ZNF112: variants seen among roughly 807,000 people sequenced by gnomAD.
The protein encoded by ZNF112 is zinc finger protein 112.
A neutral mutation model predicts 77.7 loss-of-function variants in ZNF112; 37 were observed. The ratio of observed to expected loss-of-function variants is 0.48; its 90% confidence interval spans 0.37 to 0.63. The LOEUF is 0.63. Ranked by LOEUF, ZNF112 falls within the 20% of genes least tolerant of loss-of-function variation. ZNF112 has a pLI of 0.00. For synonymous variants in ZNF112, 333 were observed against 363.6 expected (o/e 0.92, Z 0.96); for missense variants, 950 against 1,077.4 (o/e 0.88, Z 1.66).
chr19:44,339,860 G>A (rs888758681), intron 2 of ZNF112, among the ~76,000 whole-genome samples: 2 of 151,924 alleles, frequency 1.3e-5, no homozygotes, highest in Non-Finnish European at 2.9e-5. Flanking sequence ...AGAGAAAAAC[G>A]GCCATGGTAT....
At chr19:44,358,431 A>G (rs1029489159), upstream of ZNF112, among the ~76,000 whole-genome samples, 3 of 152,196 alleles carry the variant, frequency 2.0e-5, no homozygotes, top group Non-Finnish European at 2.9e-5. Context: ...AAATGTCAAA[A>G]GGCATCAAAA....
At position 44,329,249 on chromosome 19, in the gene ZNF112, C is replaced by T. The variant is rs1371084761; in HGVS notation, c.908G>A (p.Arg303Lys). 5.0e-6 allele frequency: 8 copies of T among 1,613,886 alleles called. No homozygotes were observed. The highest frequency in any genetic ancestry group is 5.9e-6 in the Non-Finnish European group (7 of 1,179,980). The change falls in exon 4 of 4, where the codon AGA (arginine) becomes AAA (lysine). Residue 303 changes from arginine (R) to lysine (K), a missense_variant. By Grantham distance (26) the Arg-to-Lys change is conservative. Transcript: ENST00000354340. ...ATGTGAATTCTCAATATCATCTTCT[C>T]TCTCAATATTTTGATGAATATGAAG... ...SLLHIHQNIE[R>K]EDDIENSHLK...
intron 1 of ZNF112, among the ~76,000 whole-genome samples, chr19:44,344,000 G>A (rs778972194): frequency 2.6e-5 from 4 of 152,152 alleles, no homozygotes; most frequent in Non-Finnish European, 5.9e-5. Context: ...TATATACATC[G>A]AGACCACCCT....
chr19:44,338,393 C>T lies in ZNF112; in HGVS notation c.125-1675G>A, dbSNP rs149682376. Among the ~76,000 whole-genome samples the T allele has an allele frequency of 1.7e-3, 266 of 152,184 alleles. 1 individual carries two copies. Among genetic ancestry groups the T allele is most frequent in the African/African-American group, 5.8e-3 (239 of 41,504 alleles). On this transcript the variant is annotated intron_variant, in intron 2 of 3. Coordinates refer to ENST00000354340, the MANE Select transcript of ZNF112 (RefSeq NM_013380.4). ...TCTACAGGAAAATACTTGTGTTACC[C>T]GATGATTACAAATGGGGAAAAAAGC...
chr19:44,337,264 T>A (rs977018023), intron 2 of ZNF112, among the ~76,000 whole-genome samples: 4 of 138,266 alleles, frequency 2.9e-5, no homozygotes, highest in Non-Finnish European at 4.6e-5. Flanking sequence ...ACATATATTT[T>A]TATATATATT....
upstream of ZNF112, among the ~76,000 whole-genome samples, chr19:44,360,275 AAAAAAG>A (rs1970843248): frequency 6.6e-6 from 1 of 151,742 alleles, no homozygotes; most frequent in African/African-American, 2.4e-5. Context: ...AAAAGAAAAG[AAAAAAG>A]AAAGAAAAAG....
At chr19:44,349,172 C>G (rs950951160) in intron 1 of ZNF112, among the ~76,000 whole-genome samples, 3 of 152,084 alleles carry the variant, frequency 2.0e-5, no homozygotes, top group Non-Finnish European at 4.4e-5. Context: ...GTAGTTATAA[C>G]AGAGTTCATA....
chr19:44,345,210 T>C (rs902445121), intron 1 of ZNF112, among the ~76,000 whole-genome samples: 11 of 152,246 alleles, frequency 7.2e-5, no homozygotes, highest in Non-Finnish European at 1.5e-4. Context: ...GCAGAGAGGA[T>C]TGCAAACCAC....
rs368806547 is a variant in ZNF112, at chr19:44,333,973, T to C, written c.220+2650A>G. 3.5e-4 allele frequency among the ~76,000 whole-genome samples: 53 copies of C among 152,280 alleles called. No homozygotes were observed. The East Asian group carries it at 5.6e-3, about 16-fold the overall frequency. ...AGAAGACAGGAAGATGAGGGAAAGT[T>C]TGGAATCTCCTAGAGAATTGTTACA... On this transcript the variant is annotated intron_variant, in intron 3 of 3. Coordinates refer to ENST00000354340, the MANE Select transcript of ZNF112 (RefSeq NM_013380.4).
chr19:44,330,935 G>A (rs1970259403), intron 3 of ZNF112, among the ~76,000 whole-genome samples: 1 of 152,198 alleles, frequency 6.6e-6, no homozygotes, highest in Admixed American at 6.5e-5. Flanking sequence ...TAAGTGTACT[G>A]TGTGCGTTAA....
In ZNF112 at chr19:44,328,855, C is replaced by A. The variant is rs1451548484; in HGVS notation, c.1302G>T (p.Glu434Asp). 1 of 1,614,050 alleles carries A rather than the reference C, an allele frequency of 6.2e-7. No individual in the cohort carries two copies. Among genetic ancestry groups the A allele is most frequent in the Non-Finnish European group, 8.5e-7 (1 of 1,179,966 alleles). Residue 434 changes from glutamate (E) to aspartate (D), a missense_variant, in exon 4 of 4, where the codon GAG becomes GAT. By Grantham distance (45) the Glu-to-Asp change is conservative. Around this residue, in one of 3 missense-constraint regions of ZNF112, gnomAD observed 560 missense variants for 557.3 expected, o/e 1.00. Coordinates refer to ENST00000354340, the MANE Select transcript of ZNF112 (RefSeq NM_013380.4). ...CACACTCCTCAGAATTATATGAATTCTCTTCCATATGAACCCTATGCTGAA... is the reference window on the plus strand; with the variant it reads ...CACACTCCTCAGAATTATATGAATTATCTTCCATATGAACCCTATGCTGAA... ...LDIQHRVHMEENSYNSEECGN... is the reference protein window; with the variant it reads ...LDIQHRVHMEDNSYNSEECGN...
At position 44,327,914 on chromosome 19, in the gene ZNF112, C is replaced by T; in HGVS notation, c.2243G>A (p.Cys748Tyr). Residue 748 changes from cysteine (C) to tyrosine (Y), a missense_variant, in exon 4 of 4, where the codon TGT (cysteine) becomes TAT (tyrosine). Around this residue, in one of 3 missense-constraint regions of ZNF112, gnomAD observed 373 missense variants for 482.8 expected, o/e 0.77. Coordinates refer to ENST00000354340, the MANE Select transcript of ZNF112 (RefSeq NM_013380.4). ...TRVKPYKCEM[C>Y]GKGFSQSSRL... is the part of the protein sequence containing the mutation. ...CGAACTCTGACTAAAGCCCTTCCCACACATCTCACATTTATACGGTTTCAC... is the reference window on the plus strand; with the variant it reads ...CGAACTCTGACTAAAGCCCTTCCCATACATCTCACATTTATACGGTTTCAC... The T allele has an allele frequency of 1.2e-6, 2 of 1,613,962 alleles. No individual in the cohort carries two copies. The highest frequency in any genetic ancestry group is 1.1e-5 in the South Asian group (1 of 91,092).
chr19:44,341,232 C>T, intron 1 of ZNF112: 1 of 455,792 alleles, frequency 2.2e-6, no homozygotes, highest in Non-Finnish European at 4.4e-6. Context: ...ATCTTCTATC[C>T]CATTTCTGGG....
Position 44,337,365 on chromosome 19 carries a change from TTATA to T in ZNF112, c.125-651_125-648del, listed in dbSNP as rs1388783548. ...TTGTATATGTGTAAAATATATATTA[TTATA>T]TATATTTTATATATAATAATATATA... is the stretch of plus-strand genomic sequence containing the variant. On this transcript the variant is annotated intron_variant, in intron 2 of 3. Transcript: ENST00000354340. Among the ~76,000 whole-genome samples, 7 of 59,060 alleles carry T rather than the reference TTATA, an allele frequency of 1.2e-4. 2 individuals carry two copies. Among genetic ancestry groups the T allele is most frequent in the Admixed American group, 3.0e-4 (1 of 3,324 alleles). 38.7% of individuals were successfully genotyped at this position (59,060 alleles called of 152,430 possible).
At chr19:44,365,825 T>C (rs1013327125) in intron 1 of ZNF112, among the ~76,000 whole-genome samples, 17 of 152,220 alleles carry the variant, frequency 1.1e-4, no homozygotes, top group African/African-American at 3.9e-4. Context: ...ATTGTTTTTC[T>C]GTTTCCAATT....
At chr19:44,352,919 C>G (rs1175082444) in intron 1 of ZNF112, among the ~76,000 whole-genome samples, 1 of 151,950 alleles carries the variant, frequency 6.6e-6, no homozygotes, top group Non-Finnish European at 1.5e-5. Flanking sequence ...GACGGATCTA[C>G]TGATTTTACA....
chr19:44,342,699 C>T (rs1464452813), intron 1 of ZNF112, among the ~76,000 whole-genome samples: 2 of 151,800 alleles, frequency 1.3e-5, no homozygotes, highest in South Asian at 2.1e-4. Flanking sequence ...ACCTGTAATC[C>T]CAGCTACTCG....
At chr19:44,358,981 T>A (rs1289053267), upstream of ZNF112, among the ~76,000 whole-genome samples, 1 of 152,180 alleles carries the variant, frequency 6.6e-6, no homozygotes, top group Non-Finnish European at 1.5e-5. Context: ...CTTTTTCTTG[T>A]AGCAACTGCC....
rs758481696 is a variant in ZNF112 at position 44,328,701 on chromosome 19, T to G, written c.1456A>C (p.Ile486Leu). The G allele has an allele frequency of 4.2e-5, 67 of 1,614,042 alleles. No homozygotes were observed. The South Asian group carries it at 6.9e-4, about 17-fold the overall frequency. ...TTACGTGGTTTCTCTCCAATGTGAA[T>G]TTTTGGATGACCTTGAAGATATAAA... is the stretch of plus-strand genomic sequence containing the variant. Reference protein sequence around the residue: ...HNLYLQGHPKIHIGEKPRKEH... With the variant: ...HNLYLQGHPKLHIGEKPRKEH... The change falls in exon 4 of 4, where the codon ATT (isoleucine) becomes CTT (leucine). Residue 486 changes from isoleucine to leucine, a missense_variant. Transcript: ENST00000354340.
Sources: allele counts gnomAD v4.1 joint callset (sites outside exome capture counted in the v4.1 genomes callset), GRCh38; gene constraint gnomAD v4.1.1; regional missense constraint gnomAD v4.1.1; transcripts MANE v1.5; gene names NCBI Gene and HGNC (gene_info 2026-07-23, HGNC 2026-07-21).